TM2D1: variants seen among roughly 807,000 people sequenced by gnomAD.
TM2D1 encodes TM2 domain containing 1, also known as TM2 domain-containing protein 1.
Under a neutral mutation model 28.4 loss-of-function variants are expected in TM2D1, and 15 were observed. The observed-to-expected ratio is 0.53, with a 90% CI of 0.35 to 0.81. TM2D1 has a LOEUF of 0.81. TM2D1 is among the 40% of genes least tolerant of loss of function. The probability of loss-of-function intolerance (pLI) is 0.01; values close to 1 mark genes in which losing one functional copy is unlikely to be tolerated. For missense variants in TM2D1, 236 were observed against 254.9 expected (o/e 0.93, Z 0.50); for synonymous variants, 93 against 96.2 (o/e 0.97, Z 0.20).
intron 4 of TM2D1, chr1:61,698,499 G>C (rs568684470): frequency 6.6e-6 from 1 of 151,558 alleles, no homozygotes; most frequent in African/African-American, 2.4e-5. Flanking sequence ...CAGAGGTTGC[G>C]GTGAGCCAAG....
chr1:61,699,956 A>T (rs1316633051), intron 4 of TM2D1: 1 of 495,800 alleles, frequency 2.0e-6, no homozygotes, highest in Non-Finnish European at 3.1e-6. Context: ...CTTCTCTTTC[A>T]TCTTTTGTGG....
At chr1:61,703,718 TTATATATATATATA>T (rs56267637) in intron 3 of TM2D1, among the ~76,000 whole-genome samples, 12,823 of 99,064 alleles carry the variant, frequency 0.13, 1,037 homozygotes, top group South Asian at 0.17. Context: ...TAGCCAATCT[TTATATATATATATA>T]TATATATATA....
At chr1:61,719,175 A>C (rs1477959119) in intron 2 of TM2D1, among the ~76,000 whole-genome samples, 2 of 151,900 alleles carry the variant, frequency 1.3e-5, no homozygotes, top group African/African-American at 4.8e-5. Flanking sequence ...CTCAGTTATC[A>C]GCCTCCCAAG....
At chr1:61,723,290 T>C (rs548844233) in intron 2 of TM2D1, among the ~76,000 whole-genome samples, 48 of 152,334 alleles carry the variant, frequency 3.2e-4, no homozygotes, top group African/African-American at 1.1e-3. Context: ...AAAGGACTTG[T>C]AGGTATTATG....
intron 5 of TM2D1, 37 bp downstream of exon 5, chr1:61,694,660 T>C (rs761147414): frequency 6.4e-6 from 9 of 1,404,038 alleles, no homozygotes; most frequent in Admixed American, 1.9e-5. Context: ...CAATTTTGAA[T>C]GTAAAAGTAG....
chr1:61,685,605 A>C (rs1198842408), intron 5 of TM2D1, among the ~76,000 whole-genome samples: 1 of 152,248 alleles, frequency 6.6e-6, no homozygotes, highest in Non-Finnish European at 1.5e-5. Flanking sequence ...AGTGAACTAC[A>C]CATGTTAATA....
intron 2 of TM2D1, among the ~76,000 whole-genome samples, chr1:61,721,400 G>C (rs12085668): frequency 0.022 from 3,364 of 151,940 alleles, 123 homozygotes; most frequent in African/African-American, 0.077. Context: ...AGATTAGCTG[G>C]GCATGGTGGT....
At position 61,696,921 on chromosome 1, in the gene TM2D1, A is replaced by AT. The variant is rs564537221; in HGVS notation, c.440-2152dup. ...TTACAGGCCATCACACCTGGCCTAA[A>AT]TTTTTTTTTTTTTCTCATACCTCTC... On this transcript the variant is annotated intron_variant, in intron 4 of 6. Coordinates refer to ENST00000606498, the MANE Select transcript of TM2D1 (RefSeq NM_032027.3). Among the ~76,000 whole-genome samples, 211 of 146,484 alleles carry AT rather than the reference A, an allele frequency of 1.4e-3. No homozygotes were observed. The East Asian group carries it at 0.016, about 11-fold the overall frequency.
At chr1:61,719,905 A>G (rs916347794) in intron 2 of TM2D1, among the ~76,000 whole-genome samples, 1 of 152,232 alleles carries the variant, frequency 6.6e-6, no homozygotes, top group Non-Finnish European at 1.5e-5. Flanking sequence ...ACTAATTTAC[A>G]GTCAGAAGTT....
chr1:61,716,023 T>C (rs1644516131), intron 2 of TM2D1, among the ~76,000 whole-genome samples: 1 of 151,622 alleles, frequency 6.6e-6, no homozygotes. Context: ...GCCAGGATGG[T>C]CTCGATCTCC....
chr1:61,723,300 G>A (rs986412063), intron 2 of TM2D1, among the ~76,000 whole-genome samples: 5 of 152,198 alleles, frequency 3.3e-5, no homozygotes, highest in South Asian at 2.1e-4. Flanking sequence ...TAGGTATTAT[G>A]GCACTAGCCA....
intron 2 of TM2D1, among the ~76,000 whole-genome samples, chr1:61,720,520 G>A (rs956454668): frequency 6.6e-6 from 1 of 152,122 alleles, no homozygotes; most frequent in African/African-American, 2.4e-5. Flanking sequence ...GGGATTATAG[G>A]TGTGAGCCAC....
At chr1:61,722,167 T>A (rs1279578123) in intron 2 of TM2D1, among the ~76,000 whole-genome samples, 1 of 151,906 alleles carries the variant, frequency 6.6e-6, no homozygotes, top group East Asian at 1.9e-4. Context: ...ACACCTGTAG[T>A]CCCAGCTACT....
chr1:61,722,115 T>C (rs1172850555), intron 2 of TM2D1, among the ~76,000 whole-genome samples: 1 of 151,584 alleles, frequency 6.6e-6, no homozygotes, highest in Admixed American at 6.6e-5. Context: ...CTACCAAAAA[T>C]ACAAAAATAA....
chr1:61,718,628 A>G (rs12058039), intron 2 of TM2D1, among the ~76,000 whole-genome samples: 2 of 152,178 alleles, frequency 1.3e-5, no homozygotes, highest in African/African-American at 4.8e-5. Flanking sequence ...AAGCTAAGTG[A>G]TAAACAATTA....
At chr1:61,723,580 T>C in intron 2 of TM2D1, 133 bp downstream of exon 2, 2 of 455,788 alleles carry the variant, frequency 4.4e-6, no homozygotes, top group Non-Finnish European at 7.8e-6. Flanking sequence ...AGTTTTAAGT[T>C]ACTCTGGAAA....
chr1:61,690,474 A>C (rs1160283414), intron 5 of TM2D1, among the ~76,000 whole-genome samples: 9 of 151,418 alleles, frequency 5.9e-5, no homozygotes, highest in Middle Eastern at 3.4e-3. Context: ...AAAAAAAAAA[A>C]AAAAAAACAC....
chr1:61,709,490 T>A, intron 2 of TM2D1, 53 bp from the exon 3 acceptor site: 1 of 1,267,430 alleles, frequency 7.9e-7, no homozygotes, highest in Non-Finnish European at 1.1e-6. Context: ...GGAGAAACAG[T>A]ATGTAATTGT....
At chr1:61,681,624 A>G (rs911957623) in intron 6 of TM2D1, among the ~76,000 whole-genome samples, 11 of 152,374 alleles carry the variant, frequency 7.2e-5, no homozygotes, top group Admixed American at 2.0e-4. Context: ...TCTTAAAATT[A>G]CATTTGCTTA....
Sources: allele counts gnomAD v4.1 joint callset (sites outside exome capture counted in the v4.1 genomes callset), GRCh38; gene constraint gnomAD v4.1.1; transcripts MANE v1.5; gene names NCBI Gene and HGNC (gene_info 2026-07-23, HGNC 2026-07-21).